Variants in MAP4 observed in about 807,000 individuals in gnomAD.
The protein encoded by MAP4 is microtubule associated protein 4, also known as microtubule-associated protein 4.
A neutral mutation model predicts 170.2 loss-of-function variants in MAP4; 76 were observed. The ratio of observed to expected loss-of-function variants is 0.45; its 90% CI spans 0.37 to 0.54. MAP4 has a LOEUF of 0.54. Ranked by LOEUF, MAP4 falls within the 20% of genes least tolerant of loss-of-function variation. The pLI, the probability that MAP4 is intolerant of heterozygous loss-of-function variation, is 0.00. For synonymous variants in MAP4, 909 were observed against 994.5 expected (o/e 0.91, Z 1.62); for missense variants, 2,506 against 2,748.0 (o/e 0.91, Z 1.97).
At chr3:48,028,294 G>A (rs936582931) in intron 1 of MAP4, among the ~76,000 whole-genome samples, 3 of 151,918 alleles carry the variant, frequency 2.0e-5, no homozygotes, top group Admixed American at 1.3e-4. Flanking sequence ...ACCATCTCTG[G>A]GGGGGGAGGG....
chr3:47,987,456 G>A, intron 2 of MAP4: 1 of 1,471,584 alleles, frequency 6.8e-7, no homozygotes, highest in Non-Finnish European at 9.1e-7. Context: ...GGGAACAGAA[G>A]TCAGGGAATG....
chr3:47,858,170 C>T (rs1231288016), intron 17 of MAP4, among the ~76,000 whole-genome samples: 2 of 151,606 alleles, frequency 1.3e-5, no homozygotes, highest in Non-Finnish European at 2.9e-5. Flanking sequence ...TGCGCCACCA[C>T]GCCCAGCTAA....
chr3:47,869,180 T>C, intron 16 of MAP4, 34 bp downstream of exon 16: 1 of 1,490,908 alleles, frequency 6.7e-7, no homozygotes, highest in Non-Finnish European at 9.4e-7. Flanking sequence ...TTTACCATCT[T>C]CACCTTGCAG....
intron 17 of MAP4, among the ~76,000 whole-genome samples, chr3:47,863,937 T>TGTGTGTGGGGGG (rs374208589): frequency 0.14 from 19,322 of 136,742 alleles, 2,041 homozygotes; most frequent in Non-Finnish European, 0.2. Flanking sequence ...TGTGTGTGTG[T>TGTGTGTGGGGGG]GGGGAGTGGT....
chr3:48,043,858 TA>T (rs112259535), intron 1 of MAP4, among the ~76,000 whole-genome samples: 140 of 150,878 alleles, frequency 9.3e-4, no homozygotes, highest in Admixed American at 6.1e-3. Flanking sequence ...TTTTTTTTTT[TA>T]AAATTGAGAC....
intron 1 of MAP4, among the ~76,000 whole-genome samples, chr3:48,010,392 ATTTCCT>A (rs2100104615): frequency 6.6e-6 from 1 of 152,114 alleles, no homozygotes; most frequent in African/African-American, 2.4e-5. Context: ...TTCACTTTAT[ATTTCCT>A]TTTCCTTTAT....
Position 47,857,798 on chromosome 3 carries a change from T to G in MAP4, c.6502-286A>C, listed in dbSNP as rs575889456. Among the ~76,000 whole-genome samples, 34 of 151,822 alleles carry G rather than the reference T, an allele frequency of 2.2e-4. 1 individual carries two copies. In the South Asian group the frequency reaches 7.1e-3, roughly 32 times the overall value. ...ATCTCAGCTCGCTATAACCTCCGCC[T>G]CCTGGGGTCAAGCAATTCTCCTGCC... On this transcript the variant is annotated intron_variant, in intron 17 of 20. Transcript: ENST00000683076.
intron 4 of MAP4, among the ~76,000 whole-genome samples, chr3:47,925,364 G>A (rs2100045218): frequency 6.6e-6 from 1 of 152,068 alleles, no homozygotes; most frequent in Admixed American, 6.6e-5. Flanking sequence ...TACCCTTGCT[G>A]GCTCCTCTTC....
At chr3:47,867,940 C>A (rs761987018) in intron 16 of MAP4, among the ~76,000 whole-genome samples, 1 of 152,198 alleles carries the variant, frequency 6.6e-6, no homozygotes, top group Non-Finnish European at 1.5e-5. Context: ...ATCTCCAACA[C>A]CAGGGGAGCG....
At chr3:48,050,413 A>G (rs961285680) in intron 1 of MAP4, among the ~76,000 whole-genome samples, 1 of 152,098 alleles carries the variant, frequency 6.6e-6, no homozygotes, top group Admixed American at 6.6e-5. Context: ...CAGAAAAATG[A>G]GTCCAGGACA....
At chr3:47,865,490 A>T (rs2077719423) in intron 17 of MAP4, among the ~76,000 whole-genome samples, 1 of 150,098 alleles carries the variant, frequency 6.7e-6, no homozygotes, top group Non-Finnish European at 1.5e-5. Context: ...AGTGGTGAGA[A>T]GATGACCAGG....
chr3:48,034,596 T>C (rs1305958337), intron 1 of MAP4, among the ~76,000 whole-genome samples: 1 of 152,008 alleles, frequency 6.6e-6, no homozygotes, highest in Non-Finnish European at 1.5e-5. Context: ...CCCAGCTACT[T>C]GGGAGTATGA....
chr3:47,956,110 T>C (rs1342525078), intron 3 of MAP4, among the ~76,000 whole-genome samples: 1 of 152,136 alleles, frequency 6.6e-6, no homozygotes, highest in East Asian at 1.9e-4. Context: ...GAACTAGATG[T>C]TATCCAACCT....
At chr3:47,935,955 AAAT>A (rs1327872844) in intron 3 of MAP4, among the ~76,000 whole-genome samples, 2 of 151,266 alleles carry the variant, frequency 1.3e-5, no homozygotes, top group African/African-American at 2.4e-5. Context: ...AAAAAAAAAA[AAAT>A]ATTAGGAATA....
intron 1 of MAP4, among the ~76,000 whole-genome samples, chr3:48,059,899 G>A (rs2100134308): frequency 6.6e-6 from 1 of 151,292 alleles, no homozygotes; most frequent in African/African-American, 2.4e-5. Context: ...AGAATTGCTT[G>A]AACCTGGAGG....
intron 1 of MAP4, among the ~76,000 whole-genome samples, chr3:48,074,830 C>T (rs915413229): frequency 6.6e-6 from 1 of 150,684 alleles, no homozygotes; most frequent in African/African-American, 2.5e-5. Context: ...CCACACTCAG[C>T]TTAAAAAATA....
upstream of MAP4, among the ~76,000 whole-genome samples, chr3:48,017,117 T>TC (rs891471642): frequency 4.0e-5 from 6 of 151,188 alleles, no homozygotes; most frequent in African/African-American, 1.5e-4. Flanking sequence ...TAGGATCCAA[T>TC]CCCCTCACTT....
At chr3:47,880,803 A>C (rs2096591429) in intron 10 of MAP4, among the ~76,000 whole-genome samples, 1 of 152,118 alleles carries the variant, frequency 6.6e-6, no homozygotes, top group Non-Finnish European at 1.5e-5. Context: ...TGGTTTTATG[A>C]CCCAAGATCC....
chr3:48,054,107 T>A (rs2100129312), intron 1 of MAP4, among the ~76,000 whole-genome samples: 1 of 151,686 alleles, frequency 6.6e-6, no homozygotes, highest in African/African-American at 2.4e-5. Flanking sequence ...ACCAAGACCA[T>A]CCTGGCCAAC....
Sources: gnomAD v4.1 joint callset for allele counts (sites outside exome capture counted in the v4.1 genomes callset) on GRCh38, gnomAD v4.1.1 for gene constraint, MANE v1.5 for transcripts, NCBI Gene and HGNC (gene_info 2026-07-23, HGNC 2026-07-21) for gene names.